The following MEGF10 variants were observed in gnomAD, a reference collection of about 807,000 sequenced individuals.
MEGF10 encodes the protein multiple epidermal growth factor-like domains protein 10.
Under a neutral mutation model 147.5 loss-of-function variants are expected in MEGF10, and 86 were observed. The ratio of observed to expected loss-of-function variants is 0.58; its 90% CI spans 0.49 to 0.70. MEGF10 has a LOEUF of 0.70. MEGF10 is among the 30% of genes least tolerant of loss of function. MEGF10 has a pLI of 0.00. For synonymous variants in MEGF10, 478 were observed against 525.5 expected (o/e 0.91, Z 1.24); for missense variants, 1,329 against 1,487.3 (o/e 0.89, Z 1.75).
the MEGF10 span, among the ~76,000 whole-genome samples, chr5:127,243,999 C>T: frequency 2.6e-5 from 4 of 151,584 alleles, no homozygotes; most frequent in African/African-American, 9.7e-5. Context: ...GAGTTCAAGA[C>T]CAGCCTGACT....
chr5:127,272,658 G>T, the MEGF10 span, among the ~76,000 whole-genome samples: 2 of 152,090 alleles, frequency 1.3e-5, no homozygotes, highest in Admixed American at 6.5e-5. Flanking sequence ...CTTGTTAGCT[G>T]TATTCCTTGG....
chr5:127,262,578 T>G, the MEGF10 span, among the ~76,000 whole-genome samples: 1 of 152,200 alleles, frequency 6.6e-6, no homozygotes, highest in Non-Finnish European at 1.5e-5. Flanking sequence ...GCAGGCCACA[T>G]GCCTCCTTTT....
At chr5:127,297,440 T>C (rs1327249107) in intron 1 of MEGF10, among the ~76,000 whole-genome samples, 1 of 147,976 alleles carries the variant, frequency 6.8e-6, no homozygotes, top group Non-Finnish European at 1.5e-5. Flanking sequence ...CCTCAACAAT[T>C]AAAAAAAAAA....
chr5:127,257,539 A>C, the MEGF10 span, among the ~76,000 whole-genome samples: 2 of 152,176 alleles, frequency 1.3e-5, no homozygotes, highest in African/African-American at 4.8e-5. Flanking sequence ...GGGCAAATAA[A>C]AAGGATTACC....
intron 4 of MEGF10, among the ~76,000 whole-genome samples, chr5:127,361,069 G>GC (rs1762455081): frequency 1.3e-5 from 2 of 151,930 alleles, no homozygotes; most frequent in Non-Finnish European, 2.9e-5. Context: ...GGGAAGCTGG[G>GC]AAGTAGTCTC....
At chr5:127,391,102 GCACACACACACACACACACACACACA>G (rs70997334) in intron 5 of MEGF10, among the ~76,000 whole-genome samples, 1 of 53,894 alleles carries the variant, frequency 1.9e-5, no homozygotes, top group South Asian at 5.9e-4. Context: ...GCGCGCGCGC[GCACACACACACACACACACACACACA>G]CACACACACA....
intron 20 of MEGF10, among the ~76,000 whole-genome samples, chr5:127,445,895 T>C (rs1053130823): frequency 2.6e-5 from 4 of 152,206 alleles, no homozygotes; most frequent in Non-Finnish European, 5.9e-5. Context: ...TGGTTTGCTA[T>C]AAGGGTTTTA....
chr5:127,250,664 A>G, the MEGF10 span, among the ~76,000 whole-genome samples: 1,753 of 152,118 alleles, frequency 0.012, 24 homozygotes, highest in African/African-American at 0.032. Flanking sequence ...ACTCTAACCA[A>G]TGCAAATATA....
chr5:127,401,494 G>A (rs56006993), intron 7 of MEGF10, among the ~76,000 whole-genome samples: 34,661 of 152,096 alleles, frequency 0.23, 4,514 homozygotes, highest in African/African-American at 0.36. Context: ...GTTAGAGGAA[G>A]TGTATTTTCT....
intron 4 of MEGF10, among the ~76,000 whole-genome samples, chr5:127,351,118 G>T (rs1167579604): frequency 6.6e-6 from 1 of 152,012 alleles, no homozygotes; most frequent in Non-Finnish European, 1.5e-5. Flanking sequence ...TAATTTAATT[G>T]TACTTTAAAA....
At chr5:127,380,332 TG>T (rs1763202857) in intron 5 of MEGF10, among the ~76,000 whole-genome samples, 1 of 152,054 alleles carries the variant, frequency 6.6e-6, no homozygotes, top group African/African-American at 2.4e-5. Flanking sequence ...ATAGAGGAGC[TG>T]AAGTATGTAA....
intron 1 of MEGF10, among the ~76,000 whole-genome samples, chr5:127,312,750 G>A (rs1760347319): frequency 6.6e-6 from 1 of 152,120 alleles, no homozygotes; most frequent in Admixed American, 6.6e-5. Flanking sequence ...TAGCTTTTGT[G>A]TGCTTTTGTA....
At chr5:127,354,108 T>C (rs894201173) in intron 4 of MEGF10, among the ~76,000 whole-genome samples, 3 of 152,236 alleles carry the variant, frequency 2.0e-5, no homozygotes, top group Admixed American at 6.5e-5. Flanking sequence ...CATGTAAAAC[T>C]GAACCGGCTG....
At chr5:127,324,985 A>AG (rs767197354) in intron 1 of MEGF10, among the ~76,000 whole-genome samples, 65 of 152,190 alleles carry the variant, frequency 4.3e-4, no homozygotes, top group Non-Finnish European at 4.7e-4. Context: ...GCCATCAGCC[A>AG]GGCCTGTTCG....
chr5:127,245,529 A>C, the MEGF10 span, among the ~76,000 whole-genome samples: 1 of 152,236 alleles, frequency 6.6e-6, no homozygotes, highest in Non-Finnish European at 1.5e-5. Flanking sequence ...AGGCAATACC[A>C]TTCAGGACAT....
Position 127,458,996 on chromosome 5 carries a change from T to A in MEGF10, c.*1678T>A, listed in dbSNP as rs1766467617. On this transcript the variant is annotated 3_prime_UTR_variant, in exon 25 of 25. Coordinates refer to ENST00000503335, the MANE Select transcript of MEGF10 (RefSeq NM_001256545.2). ...GGAAAGCCAGTTTCCCTTTTGTTGA[T>A]CTACTTGACCAAGCAAAGGGGCTGA... The A allele has an allele frequency of 6.6e-6, 1 of 152,174 alleles. No homozygotes were observed. The highest frequency in any genetic ancestry group is 1.5e-5 in the Non-Finnish European group (1 of 68,022). 9.4% of individuals were successfully genotyped at this position (152,174 alleles called of 1,614,324 possible). A position where few individuals can be genotyped will look rare whatever the true frequency, so the allele number is the denominator to read the frequency against.
At chr5:127,419,924 T>A (rs1277666442) in intron 11 of MEGF10, 120 bp from the exon 12 acceptor site, 1 of 1,185,544 alleles carries the variant, frequency 8.4e-7, no homozygotes, top group Non-Finnish European at 1.2e-6. Flanking sequence ...TGTTCTCTGC[T>A]GCTGTGGCTG....
At chr5:127,431,077 T>A (rs1331786117) in intron 13 of MEGF10, among the ~76,000 whole-genome samples, 1 of 152,218 alleles carries the variant, frequency 6.6e-6, no homozygotes, top group Non-Finnish European at 1.5e-5. Flanking sequence ...GTAAACCATA[T>A]GAAACAAGCT....
At chr5:127,394,785 C>G (rs912594529) in intron 5 of MEGF10, among the ~76,000 whole-genome samples, 1 of 152,146 alleles carries the variant, frequency 6.6e-6, no homozygotes, top group African/African-American at 2.4e-5. Flanking sequence ...ATTGTGAGTT[C>G]TTAGGTAATT....
Sources: gnomAD v4.1 joint callset for allele counts (sites outside exome capture counted in the v4.1 genomes callset) on GRCh38, gnomAD v4.1.1 for gene constraint, MANE v1.5 for transcripts, NCBI Gene and HGNC (gene_info 2026-07-23, HGNC 2026-07-21) for gene names.